The following UNC13C variants were observed in gnomAD, a reference collection of about 807,000 sequenced individuals.
UNC13C encodes unc-13 homolog C.
UNC13C carries 174 observed loss-of-function variants against 245.4 expected under a neutral mutation model. The ratio of observed to expected loss-of-function variants is 0.71; its 90% CI spans 0.63 to 0.80. UNC13C has a LOEUF of 0.80. Among genes scored for constraint, UNC13C ranks in the 30% least tolerant of loss-of-function variants. UNC13C has a pLI of 0.00. For synonymous variants in UNC13C, 992 were observed against 895.1 expected (o/e 1.11, Z -1.93); for missense variants, 2,829 against 2,602.9 (o/e 1.09, Z -1.89).
chr15:54,382,369 G>T lies in UNC13C; in HGVS notation c.4714-10679G>T, dbSNP rs186112081. Among the ~76,000 whole-genome samples the T allele has an allele frequency of 3.6e-3, 543 of 152,178 alleles. 1 individual carries two copies. The highest frequency in any genetic ancestry group is 5.9e-3 in the Non-Finnish European group (399 of 67,990). ...CTTGGGAGGCAGAGGCAGGCAGATTGCTTAAGCCCAGGAGTTTGAGACAAG... is the reference window on the plus strand; with the variant it reads ...CTTGGGAGGCAGAGGCAGGCAGATTTCTTAAGCCCAGGAGTTTGAGACAAG... On this transcript the variant is annotated intron_variant, in intron 17 of 32. Transcript: ENST00000260323.
intron 7 of UNC13C, among the ~76,000 whole-genome samples, chr15:54,249,238 T>G (rs2036077086): frequency 6.7e-6 from 1 of 150,200 alleles, no homozygotes. Context: ...GTGGTTTGTT[T>G]TTTTTTTTAC....
intron 17 of UNC13C, among the ~76,000 whole-genome samples, chr15:54,346,684 T>C (rs1428007422): frequency 6.6e-6 from 1 of 152,226 alleles, no homozygotes; most frequent in East Asian, 1.9e-4. Context: ...GGAGGCTGGC[T>C]CTGCACTCGG....
At chr15:54,399,343 T>C (rs180684322) in intron 18 of UNC13C, among the ~76,000 whole-genome samples, 18 of 151,840 alleles carry the variant, frequency 1.2e-4, no homozygotes, top group African/African-American at 3.4e-4. Context: ...ATTAAATACA[T>C]AATGTAGAGA....
chr15:54,555,548 A>G (rs770084438), intron 29 of UNC13C, 36 bp downstream of exon 29: 5 of 1,528,626 alleles, frequency 3.3e-6, no homozygotes, highest in Non-Finnish European at 4.5e-6. Context: ...ACATCGAGAG[A>G]GGCCCCCATT....
intron 2 of UNC13C, among the ~76,000 whole-genome samples, chr15:54,108,634 C>T (rs2141170000): frequency 6.6e-6 from 1 of 152,230 alleles, no homozygotes; most frequent in Non-Finnish European, 1.5e-5. Flanking sequence ...TTTCCCATAG[C>T]ACATAGATTT....
intron 20 of UNC13C, among the ~76,000 whole-genome samples, chr15:54,497,348 T>G (rs756886117): frequency 6.6e-6 from 1 of 152,084 alleles, no homozygotes; most frequent in African/African-American, 2.4e-5. Context: ...ATACGGGGCT[T>G]GCAGAGCAAA....
At chr15:54,223,210 A>G (rs2035279455) in intron 4 of UNC13C, among the ~76,000 whole-genome samples, 1 of 151,970 alleles carries the variant, frequency 6.6e-6, no homozygotes, top group Non-Finnish European at 1.5e-5. Flanking sequence ...TTCTTCTAGT[A>G]GTTTTATAGC....
At chr15:53,910,118 C>CTT in the UNC13C span, among the ~76,000 whole-genome samples, 1 of 140,544 alleles carries the variant, frequency 7.1e-6, no homozygotes, top group Admixed American at 7.4e-5. Context: ...GAATTAAAAA[C>CTT]TTTTTTTTTT....
At chr15:54,275,702 C>G (rs2036813970) in intron 10 of UNC13C, among the ~76,000 whole-genome samples, 1 of 152,070 alleles carries the variant, frequency 6.6e-6, no homozygotes, top group Admixed American at 6.5e-5. Flanking sequence ...TCTCATAGAA[C>G]TGGAATTCTG....
chr15:54,005,969 G>A (rs1895116847), intron 1 of UNC13C, among the ~76,000 whole-genome samples: 1 of 152,132 alleles, frequency 6.6e-6, no homozygotes, highest in South Asian at 2.1e-4. Context: ...ACTTTAGGGG[G>A]CCGGTAAACT....
chr15:54,343,414 T>A (rs2038783419), intron 17 of UNC13C, among the ~76,000 whole-genome samples: 1 of 152,138 alleles, frequency 6.6e-6, no homozygotes, highest in Non-Finnish European at 1.5e-5. Context: ...ATTACAGGCG[T>A]GAGCCACCGC....
chr15:54,515,983 T>C (rs1894957507), intron 24 of UNC13C, among the ~76,000 whole-genome samples: 1 of 152,190 alleles, frequency 6.6e-6, no homozygotes, highest in Non-Finnish European at 1.5e-5. Context: ...TTTAAAAATA[T>C]GGATATTGTA....
intron 8 of UNC13C, among the ~76,000 whole-genome samples, chr15:54,262,702 G>A (rs16974409): frequency 0.15 from 22,842 of 151,112 alleles, 1,857 homozygotes; most frequent in African/African-American, 0.2. Context: ...TTTAAATGTC[G>A]TTTAGGTCCT....
chr15:54,239,609 C>T (rs1033044395), intron 7 of UNC13C, among the ~76,000 whole-genome samples: 5 of 147,842 alleles, frequency 3.4e-5, no homozygotes, highest in Admixed American at 1.3e-4. Context: ...TGCCACCACA[C>T]TCAGCTAATA....
chr15:54,356,582 C>G (rs35334291), intron 17 of UNC13C, among the ~76,000 whole-genome samples: 21,907 of 152,144 alleles, frequency 0.14, 1,835 homozygotes, highest in Middle Eastern at 0.23. Flanking sequence ...CTTGCTGAAA[C>G]CTCACCTAAT....
At chr15:54,474,315 C>G (rs1223423368) in intron 19 of UNC13C, among the ~76,000 whole-genome samples, 3 of 151,796 alleles carry the variant, frequency 2.0e-5, no homozygotes, top group Non-Finnish European at 4.4e-5. Flanking sequence ...GTTCTTTTTT[C>G]TCTGCGTCCT....
intron 2 of UNC13C, among the ~76,000 whole-genome samples, chr15:54,135,222 G>A (rs1207387253): frequency 6.6e-6 from 1 of 152,118 alleles, no homozygotes; most frequent in East Asian, 1.9e-4. Context: ...CAGACATATA[G>A]TTTGCAAATA....
chr15:54,403,005 A>G (rs2040218146), intron 18 of UNC13C, among the ~76,000 whole-genome samples: 1 of 152,216 alleles, frequency 6.6e-6, no homozygotes, highest in Admixed American at 6.5e-5. Context: ...TGCATTGAGT[A>G]GGTGCTCCAC....
rs529076917 is a variant in UNC13C at position 54,296,391 on chromosome 15, T to TTTTTTTTTTTTTTTG, written c.3989-1419_3989-1418insTTTTTTTTTTTTTGT. ...AATTTTTTTTTTTTTTTATTTTTTT[T>TTTTTTTTTTTTTTTG]TATTTTTTAGTGGAGACGGGGTTTC... On this transcript the variant is annotated intron_variant, in intron 11 of 32. Coordinates refer to ENST00000260323, the MANE Select transcript of UNC13C (RefSeq NM_001080534.3). Among the ~76,000 whole-genome samples the TTTTTTTTTTTTTTTG allele has an allele frequency of 4.0e-4, 55 of 137,880 alleles. 3 individuals are homozygous for TTTTTTTTTTTTTTTG. Among genetic ancestry groups the TTTTTTTTTTTTTTTG allele is most frequent in the African/African-American group, 9.7e-4 (33 of 34,114 alleles). The allele number at this position is 137,880 out of a possible 152,430, so 90.5% of individuals were successfully genotyped here.
Sources: allele counts gnomAD v4.1 joint callset (sites outside exome capture counted in the v4.1 genomes callset), GRCh38; gene constraint gnomAD v4.1.1; transcripts MANE v1.5; gene names NCBI Gene and HGNC (gene_info 2026-07-23, HGNC 2026-07-21).